SPRED2: variants seen among roughly 807,000 people sequenced by gnomAD.
The protein encoded by SPRED2 is sprouty related EVH1 domain containing 2.
Under a neutral mutation model 43.0 loss-of-function variants are expected in SPRED2, and 47 were observed. The observed-to-expected ratio is 1.09, with a 90% CI of 0.87 to 1.40. SPRED2 has a LOEUF of 1.40. SPRED2 is among the 40% of genes most tolerant of loss of function. The probability of loss-of-function intolerance (pLI) is 0.00; values close to 1 mark genes in which losing one functional copy is unlikely to be tolerated. For missense variants in SPRED2, 561 were observed against 586.4 expected (o/e 0.96, Z 0.45); for synonymous variants, 225 against 225.7 (o/e 1.00, Z 0.03).
intron 1 of SPRED2, among the ~76,000 whole-genome samples, chr2:65,373,259 G>A (rs749912589): frequency 3.9e-5 from 6 of 152,172 alleles, no homozygotes; most frequent in African/African-American, 7.2e-5. Context: ...GTTTAAACTA[G>A]TTTAGTACCT....
chr2:65,393,551 T>C (rs1344529948), intron 1 of SPRED2, among the ~76,000 whole-genome samples: 1 of 152,052 alleles, frequency 6.6e-6, no homozygotes, highest in Non-Finnish European at 1.5e-5. Flanking sequence ...GCCAGGCTGG[T>C]CTCGAACTCC....
chr2:65,312,860 G>T lies in SPRED2; in HGVS notation c.*641C>A, dbSNP rs1029090892. ...TTTGGGGGGGCAGAAAATGATGATG[G>T]GCTAAAGATAGAAACTGCAGCTTAC... On this transcript the variant is annotated 3_prime_UTR_variant, in exon 6 of 6. Coordinates refer to ENST00000356388, the MANE Select transcript of SPRED2 (RefSeq NM_181784.3). 1.0e-6 allele frequency: 1 copy of T among 985,794 alleles called. No individual in the cohort carries two copies. Among genetic ancestry groups the T allele is most frequent in the Non-Finnish European group, 1.2e-6 (1 of 829,932 alleles). The allele number at this position is 985,794 out of a possible 1,614,324, so 61.1% of individuals were successfully genotyped here. A position where few individuals can be genotyped will look rare whatever the true frequency, so the allele number is the denominator to read the frequency against.
chr2:65,394,371 C>A (rs546826946), intron 1 of SPRED2, among the ~76,000 whole-genome samples: 1 of 152,314 alleles, frequency 6.6e-6, no homozygotes, highest in East Asian at 1.9e-4. Context: ...TGGCGCCCTG[C>A]ACAGACCACT....
intron 4 of SPRED2, among the ~76,000 whole-genome samples, chr2:65,327,925 T>C (rs942959325): frequency 6.6e-6 from 1 of 151,876 alleles, no homozygotes; most frequent in Admixed American, 6.6e-5. Flanking sequence ...GGTTTCACCA[T>C]GTTGGCCAGG....
At chr2:65,308,411 A>C, downstream of SPRED2, 2 of 985,496 alleles carry the variant, frequency 2.0e-6, no homozygotes, top group Non-Finnish European at 2.4e-6. Context: ...TGGAGGGGTC[A>C]GCAAGAAACT....
At chr2:65,317,497 A>C (rs1371514395) in intron 4 of SPRED2, among the ~76,000 whole-genome samples, 3 of 151,178 alleles carry the variant, frequency 2.0e-5, no homozygotes, top group Non-Finnish European at 4.4e-5. Context: ...TGGGTGACAG[A>C]GCAAGACTCC....
chr2:65,382,479 G>A (rs552230025), intron 1 of SPRED2, among the ~76,000 whole-genome samples: 3 of 152,326 alleles, frequency 2.0e-5, no homozygotes, highest in African/African-American at 7.2e-5. Context: ...CCACTAAGGA[G>A]AGGAGCCTCT....
At chr2:65,389,504 C>T (rs890262669) in intron 1 of SPRED2, among the ~76,000 whole-genome samples, 1 of 152,132 alleles carries the variant, frequency 6.6e-6, no homozygotes. Context: ...CATCCCAGTC[C>T]CCACAAGGAA....
chr2:65,372,120 A>G (rs965039969), intron 1 of SPRED2, among the ~76,000 whole-genome samples: 4 of 152,104 alleles, frequency 2.6e-5, no homozygotes, highest in Non-Finnish European at 4.4e-5. Flanking sequence ...AGGATCTTTC[A>G]GAGCTAGGAC....
intron 1 of SPRED2, among the ~76,000 whole-genome samples, chr2:65,380,429 T>C (rs1406305674): frequency 6.6e-6 from 1 of 152,190 alleles, no homozygotes; most frequent in Non-Finnish European, 1.5e-5. Context: ...AGTCAAAAGC[T>C]GTCTGGAACC....
At chr2:65,317,868 G>A (rs554227095) in intron 4 of SPRED2, among the ~76,000 whole-genome samples, 1 of 152,268 alleles carries the variant, frequency 6.6e-6, no homozygotes, top group South Asian at 2.1e-4. Context: ...GGGGAGTACA[G>A]AGCTGTTTTG....
rs765064616 is a variant in SPRED2, at chr2:65,426,836, T to A, written c.26+5126A>T. On this transcript the variant is annotated intron_variant, in intron 1 of 5. Coordinates refer to ENST00000356388, the MANE Select transcript of SPRED2 (RefSeq NM_181784.3). Reference sequence around the variant, plus strand: ...TCCACTTTGTATATATTGTACTGGATAAAAGGACAGGAAAGCAGAGGGGAC... The same window carrying A: ...TCCACTTTGTATATATTGTACTGGAAAAAAGGACAGGAAAGCAGAGGGGAC... 2.6e-5 allele frequency among the ~76,000 whole-genome samples: 4 copies of A among 152,316 alleles called. No individual in the cohort carries two copies. The East Asian group carries it at 7.7e-4, about 29-fold the overall frequency.
chr2:65,365,498 C>T (rs192946963), intron 1 of SPRED2, among the ~76,000 whole-genome samples: 3 of 152,264 alleles, frequency 2.0e-5, no homozygotes, highest in South Asian at 2.1e-4. Flanking sequence ...GGAAGAGAAA[C>T]AAAGATTGCC....
intron 1 of SPRED2, among the ~76,000 whole-genome samples, chr2:65,428,144 T>A (rs992689669): frequency 6.6e-6 from 1 of 152,228 alleles, no homozygotes; most frequent in African/African-American, 2.4e-5. Context: ...AAGAAATCTA[T>A]CTCAGTGCCC....
chr2:65,358,375 G>A (rs1276612635), intron 1 of SPRED2, among the ~76,000 whole-genome samples: 1 of 152,148 alleles, frequency 6.6e-6, no homozygotes, highest in East Asian at 1.9e-4. Context: ...CCACATGGAA[G>A]AAAAACCCCA....
chr2:65,342,636 A>T (rs1674228650), intron 2 of SPRED2, among the ~76,000 whole-genome samples: 1 of 152,212 alleles, frequency 6.6e-6, no homozygotes, highest in African/African-American at 2.4e-5. Context: ...ACATAGGTGT[A>T]TTCCTAACAC....
intron 1 of SPRED2, among the ~76,000 whole-genome samples, chr2:65,392,943 T>C (rs1320293391): frequency 1.3e-5 from 2 of 152,068 alleles, no homozygotes; most frequent in Admixed American, 6.5e-5. Context: ...CCGTCAGACC[T>C]CCATGAACTA....
rs1673119024 is a variant in SPRED2 at position 65,313,219 on chromosome 2, G to C, written c.*282C>G. ...GGATGAGACAGTTAGCTTGGTTACA[G>C]ATTGTTAATAGTACAGGAGTCTGTG... is the stretch of plus-strand genomic sequence containing the variant. On this transcript the variant is annotated 3_prime_UTR_variant, in exon 6 of 6. Transcript: ENST00000356388. The C allele has an allele frequency of 3.5e-6, 4 of 1,155,008 alleles. No individual in the cohort carries two copies. Among genetic ancestry groups the C allele is most frequent in the Non-Finnish European group, 4.3e-6 (4 of 937,728 alleles). The allele number at this position is 1,155,008 out of a possible 1,614,324, so 71.5% of individuals were successfully genotyped here.
Position 65,316,822 on chromosome 2 carries a change from G to A in SPRED2, c.500C>T (p.Ser167Phe), listed in dbSNP as rs368823642. ...CCGGTGCTCACAGGATGTGGGAGAG[G>A]AGATTGTCCGAGTAGGTTGCTCTCT... ...QKREQPTRTI[S>F]SPTSCEHRRI... The change falls in exon 5 of 6, where the codon TCC (serine) becomes TTC (phenylalanine). Residue 167 changes from serine to phenylalanine, a missense_variant. Ser to Phe is a radical substitution (Grantham distance 155, BLOSUM62 -2). Transcript: ENST00000356388. 1 of 1,613,886 alleles carries A rather than the reference G, an allele frequency of 6.2e-7. No individual in the cohort carries two copies. Among genetic ancestry groups the A allele is most frequent in the Non-Finnish European group, 8.5e-7 (1 of 1,179,936 alleles).
Sources: gnomAD v4.1 joint callset for allele counts (sites outside exome capture counted in the v4.1 genomes callset) on GRCh38, gnomAD v4.1.1 for gene constraint, MANE v1.5 for transcripts, NCBI Gene and HGNC (gene_info 2026-07-23, HGNC 2026-07-21) for gene names.